Variants in A2M observed in about 807,000 individuals in gnomAD.
A2M encodes the protein C3 and PZP-like alpha-2-macroglobulin domain-containing protein 5.
A neutral mutation model predicts 183.9 loss-of-function variants in A2M; 128 were observed. The observed-to-expected ratio is 0.70, with a 90% CI of 0.60 to 0.81. The LOEUF (loss-of-function observed/expected upper bound fraction) is 0.81, where lower values mean the gene tolerates loss of function less well. Among genes scored for constraint, A2M ranks in the 30% least tolerant of loss-of-function variants. The pLI, the probability that A2M is intolerant of heterozygous loss-of-function variation, is 0.00. For synonymous variants in A2M, 592 were observed against 670.8 expected, an observed-to-expected ratio of 0.88 and a Z score of 1.81; for missense variants, 1,495 against 1,787.6, an observed-to-expected ratio of 0.84 and a Z score of 2.95.
chr12:9,072,715 A>T lies in A2M; in HGVS notation c.3913T>A (p.Leu1305Met). Residue 1305 changes from leucine (L) to methionine (M), a missense_variant, in exon 30 of 36, where the codon TTG (leucine) becomes ATG (methionine). Coordinates refer to ENST00000318602, the MANE Select transcript of A2M (RefSeq NM_000014.6). ...CTGTATTCCCCAGGCAGCTCTGGCA[A>T]TGAGACCTGCTGCAGTAACAGGCGG... ...NNRLLLQQVS[L>M]PELPGEYSMK... The T allele has an allele frequency of 6.2e-7, 1 of 1,614,148 alleles. No homozygotes were observed. Among genetic ancestry groups the T allele is most frequent in the Non-Finnish European group, 8.5e-7 (1 of 1,180,024 alleles).
At chr12:9,113,286 A>G in intron 2 of A2M, 74 bp downstream of exon 2, 2 of 1,509,312 alleles carry the variant, frequency 1.3e-6, no homozygotes, top group Non-Finnish European at 1.8e-6. Flanking sequence ...CCAAAGCCTC[A>G]TCTGACAGAA....
intron 22 of A2M, among the ~76,000 whole-genome samples, chr12:9,086,224 T>G (rs1179055332): frequency 6.6e-6 from 1 of 152,156 alleles, no homozygotes; most frequent in East Asian, 1.9e-4. Context: ...TTGATGAATA[T>G]AGATGCAAAA....
At position 9,095,000 on chromosome 12, in the gene A2M, G is replaced by C; in HGVS notation, c.2098C>G (p.Pro700Ala). The C allele has an allele frequency of 6.3e-7, 1 of 1,583,002 alleles. No homozygotes were observed. The highest frequency in any genetic ancestry group is 2.3e-5 in the East Asian group (1 of 43,964). Residue 700 changes from proline (P) to alanine (A), a missense_variant, in exon 17 of 36, where the codon CCT (proline) becomes GCT (alanine). Coordinates refer to ENST00000318602, the MANE Select transcript of A2M (RefSeq NM_000014.6). ...PQLQQYEMHG[P>A]EGLRVGFYES... Reference sequence around the variant, plus strand: ...TAAAAACCTACACGTAGACCTTCAGGTCCATGCATTTCATACTGTTGAAGC... The same window carrying C: ...TAAAAACCTACACGTAGACCTTCAGCTCCATGCATTTCATACTGTTGAAGC...
intron 12 of A2M, 110 bp from the exon 13 acceptor site, chr12:9,101,317 G>C: frequency 7.3e-7 from 1 of 1,373,462 alleles, no homozygotes; most frequent in Non-Finnish European, 1.0e-6. Context: ...TTCACCTCAA[G>C]AGAAATCAAA....
chr12:9,082,229 C>T (rs1176219195), intron 22 of A2M, among the ~76,000 whole-genome samples: 1 of 152,180 alleles, frequency 6.6e-6, no homozygotes, highest in East Asian at 1.9e-4. Context: ...TATTTCTGCC[C>T]ATCCCAAGCA....
At position 9,067,766 on chromosome 12, in the gene A2M, C is replaced by T. The variant is rs1350751708; in HGVS notation, c.*57G>A. The T allele has an allele frequency of 6.4e-7, 1 of 1,563,888 alleles. No individual in the cohort carries two copies. Among genetic ancestry groups the T allele is most frequent in the South Asian group, 1.1e-5 (1 of 88,466 alleles). On this transcript the variant is annotated 3_prime_UTR_variant, in exon 36 of 36. Coordinates refer to ENST00000318602, the MANE Select transcript of A2M (RefSeq NM_000014.6). ...TCTTTAAAGATACAAAAACACGTGT[C>T]TTCTGTGGAGCTCTGAGAACAGGAC...
Position 9,101,438 on chromosome 12 carries a change from C to CTATTAT in A2M, c.1494+8_1494+9insATAATA, listed in dbSNP as rs1565597587. ...ACAGTGAAGTCAACGCAGTAACCTC[C>CTATTAT]CTTCTCACCAGATAATAGAAGGAGA... is the stretch of plus-strand genomic sequence containing the variant. On this transcript the variant is annotated intron_variant, in intron 12 of 35. Transcript: ENST00000318602. The CTATTAT allele has an allele frequency of 1.2e-6, 2 of 1,608,358 alleles. No individual in the cohort carries two copies. Among genetic ancestry groups the CTATTAT allele is most frequent in the South Asian group, 2.2e-5 (2 of 90,496 alleles).
intron 29 of A2M, among the ~76,000 whole-genome samples, chr12:9,073,188 T>G (rs1024189366): frequency 1.3e-5 from 2 of 152,198 alleles, no homozygotes; most frequent in Admixed American, 6.5e-5. Flanking sequence ...CATCAGCTAT[T>G]TGCTAACATG....
chr12:9,092,980 T>C (rs1430468448), intron 18 of A2M, among the ~76,000 whole-genome samples: 1 of 152,234 alleles, frequency 6.6e-6, no homozygotes, highest in African/African-American at 2.4e-5. Context: ...GGGGAGATTA[T>C]GCTAAGTGAA....
intron 22 of A2M, among the ~76,000 whole-genome samples, chr12:9,087,060 A>T (rs954435255): frequency 7.2e-5 from 11 of 152,212 alleles, no homozygotes; most frequent in African/African-American, 2.7e-4. Flanking sequence ...TGTAGAAATA[A>T]ATCTAATCAA....
Position 9,109,961 on chromosome 12 carries a change from G to A in A2M, c.579C>T (p.Pro193=), listed in dbSNP as rs768925462. 14 of 1,613,776 alleles carry A rather than the reference G, an allele frequency of 8.7e-6. No homozygotes were observed. The highest frequency in any genetic ancestry group is 1.2e-5 in the Non-Finnish European group (14 of 1,179,884). The change falls in exon 6 of 36, where the codon CCC becomes CCT. Residue 193 remains proline (P), a synonymous_variant. Coordinates refer to ENST00000318602, the MANE Select transcript of A2M (RefSeq NM_000014.6). ...AGCCCTGGAAGGGCTCTGATGAGAG[G>A]GGAAAAGAAAATTGCTTGAGGCCAC... ...LEGGLKQFSF[P]LSSEPFQGSY... is the part of the protein sequence containing the mutation.
At chr12:9,088,218 T>C (rs1457408350) in intron 22 of A2M, among the ~76,000 whole-genome samples, 1 of 151,690 alleles carries the variant, frequency 6.6e-6, no homozygotes, top group African/African-American at 2.4e-5. Flanking sequence ...CTGAAAAATG[T>C]TCAGGGGGGT....
chr12:9,091,098 A>G, intron 19 of A2M, 103 bp downstream of exon 19: 2 of 1,324,418 alleles, frequency 1.5e-6, no homozygotes, highest in Non-Finnish European at 2.1e-6. Context: ...ATGAATATCT[A>G]GTAAGCATAT....
intron 20 of A2M, 122 bp downstream of exon 20, chr12:9,090,234 C>A: frequency 6.7e-7 from 1 of 1,501,146 alleles, no homozygotes; most frequent in South Asian, 1.2e-5. Flanking sequence ...GAATAAAAGG[C>A]AAAGGAAAAA....
intron 22 of A2M, among the ~76,000 whole-genome samples, chr12:9,082,296 A>G (rs144479874): frequency 7.9e-5 from 12 of 152,332 alleles, no homozygotes; most frequent in Non-Finnish European, 1.2e-4. Context: ...TCAGGTCCCA[A>G]ATAGCAGAAT....
At chr12:9,101,392 C>G (rs761821108) in intron 12 of A2M, 55 bp downstream of exon 12, 6 of 1,462,062 alleles carry the variant, frequency 4.1e-6, no homozygotes, top group Non-Finnish European at 4.7e-6. Flanking sequence ...TGATTACTTG[C>G]TCCACAGAGA....
chr12:9,100,457 T>G lies in A2M; in HGVS notation c.1558+687A>C, dbSNP rs780759786. Among the ~76,000 whole-genome samples, 157 of 152,222 alleles carry G rather than the reference T, an allele frequency of 1.0e-3. 1 individual carries two copies. Among genetic ancestry groups the G allele is most frequent in the African/African-American group, 3.7e-3 (152 of 41,554 alleles). On this transcript the variant is annotated intron_variant, in intron 13 of 35. Transcript: ENST00000318602. ...TTATTTATTTATTTATTTATTTACT[T>G]TTATAGAGATGGGGTCTCACTATGT...
At chr12:9,076,728 A>C (rs746039481) in intron 28 of A2M, 28 bp downstream of exon 28, 8 of 1,613,162 alleles carry the variant, frequency 5.0e-6, no homozygotes, top group Non-Finnish European at 6.8e-6. Context: ...AGGATGGGCC[A>C]GGAGAAGGAT....
rs774102201 is a variant in A2M at position 9,096,845 on chromosome 12, C to A, written c.1852-1145G>T. Among the ~76,000 whole-genome samples, 5 of 152,300 alleles carry A rather than the reference C, an allele frequency of 3.3e-5. No homozygotes were observed. In the South Asian group the frequency reaches 6.2e-4, roughly 19 times the overall value. On this transcript the variant is annotated intron_variant, in intron 15 of 35. Transcript: ENST00000318602. ...GACAATGTAAGTTCCATGAGACATA[C>A]ATTTTTATCTTTCCAGTAGCTCACT...
Sources: allele counts gnomAD v4.1 joint callset (sites outside exome capture counted in the v4.1 genomes callset), GRCh38; gene constraint gnomAD v4.1.1; transcripts MANE v1.5; gene names NCBI Gene and HGNC (gene_info 2026-07-23, HGNC 2026-07-21).